PHACTR2: variants seen among roughly 807,000 people sequenced by gnomAD.
PHACTR2 encodes the protein chromosome 6 open reading frame 56.
In PHACTR2, 30 loss-of-function variants were observed where a neutral mutation model predicts 76.0. The ratio of observed to expected loss-of-function variants is 0.39; its 90% CI spans 0.30 to 0.54. The LOEUF is 0.54. Among genes scored for constraint, PHACTR2 ranks in the 20% least tolerant of loss-of-function variants. The pLI is 0.61. For missense variants in PHACTR2, 696 were observed against 781.1 expected (o/e 0.89, Z 1.30); for synonymous variants, 292 against 292.5 (o/e 1.00, Z 0.02).
chr6:143,685,300 A>G (rs1268342485), intron 1 of PHACTR2, among the ~76,000 whole-genome samples: 1 of 152,054 alleles, frequency 6.6e-6, no homozygotes, highest in Non-Finnish European at 1.5e-5. Context: ...AAAGTTGAAA[A>G]GGAAAATCAT....
Position 143,619,494 on chromosome 6 carries a change from G to T in PHACTR2, c.13+11172G>T, listed in dbSNP as rs1238117792. ...AAGATCTTGTGCCTTGCACAAAAAT[G>T]CTCTGAAATACCCTACTGAAGGGTA... is the stretch of plus-strand genomic sequence containing the variant. On this transcript the variant is annotated intron_variant, in intron 1 of 11. Transcript: ENST00000305766. The surrounding 1 kb of genome is among the most constrained non-coding windows in gnomAD (Gnocchi z 4.5). 6.6e-6 allele frequency among the ~76,000 whole-genome samples: 1 copy of T among 152,196 alleles called. No individual in the cohort carries two copies. Among genetic ancestry groups the T allele is most frequent in the Non-Finnish European group, 1.5e-5 (1 of 68,038 alleles).
chr6:143,828,927 C>T lies in PHACTR2; in HGVS notation c.*5238C>T, dbSNP rs1445883478. 6.6e-6 allele frequency: 1 copy of T among 152,224 alleles called. No individual in the cohort carries two copies. The highest frequency in any genetic ancestry group is 2.4e-5 in the African/African-American group (1 of 41,460). 9.4% of individuals were successfully genotyped at this position (152,224 alleles called of 1,614,324 possible). On this transcript the variant is annotated 3_prime_UTR_variant, in exon 13 of 13. Transcript: ENST00000440869. The surrounding 1 kb of genome is among the most constrained non-coding windows in gnomAD (Gnocchi z 4.7). ...TTGGTATCACCTCCCCTGAATGCCA[C>T]TGTCTACTGCATTTTGAGGACACAG...
At chr6:143,628,956 T>G (rs1238106672) in intron 1 of PHACTR2, among the ~76,000 whole-genome samples, 12 of 74,746 alleles carry the variant, frequency 1.6e-4, no homozygotes, top group South Asian at 7.3e-4. Context: ...TATATATATA[T>G]ATATATATAT....
chr6:143,546,368 A>C lies in PHACTR2; in HGVS notation c.217+9161A>C, dbSNP rs555702980. On this transcript the variant is annotated intron_variant, in intron 1 of 11. Transcript: ENST00000367584. This position sits in a 1 kb window ranked among gnomAD's most constrained non-coding sequence, Gnocchi z 4.9. Reference sequence around the variant, plus strand: ...AGAAACTTGTGACTTAAAAAAAAAAAAAAACATGTTATCTCTCTCTAGAAC... The same window carrying C: ...AGAAACTTGTGACTTAAAAAAAAAACAAAACATGTTATCTCTCTCTAGAAC... Among the ~76,000 whole-genome samples the C allele has an allele frequency of 3.5e-4, 53 of 152,182 alleles. No homozygotes were observed. Among genetic ancestry groups the C allele is most frequent in the African/African-American group, 1.0e-3 (43 of 41,474 alleles).
upstream of PHACTR2, chr6:143,677,936 C>T: frequency 7.9e-7 from 1 of 1,266,122 alleles, no homozygotes; most frequent in Non-Finnish European, 1.0e-6. Flanking sequence ...CCCCTGACCC[C>T]AGCTAATCTG....
intron 6 of PHACTR2, among the ~76,000 whole-genome samples, chr6:143,770,401 G>A (rs1210093616): frequency 2.0e-5 from 3 of 152,126 alleles, no homozygotes; most frequent in Non-Finnish European, 4.4e-5. Flanking sequence ...TTGGGAAGAC[G>A]AAAAAGTTCT....
intron 12 of PHACTR2, among the ~76,000 whole-genome samples, chr6:143,815,628 C>T (rs148457974): frequency 1.3e-5 from 2 of 152,240 alleles, no homozygotes; most frequent in African/African-American, 2.4e-5. Flanking sequence ...CGCAGTGGCT[C>T]ATGCCTGTAA....
rs184160948 is a variant in PHACTR2 at position 143,547,017 on chromosome 6, A to G, written c.217+9810A>G. Among the ~76,000 whole-genome samples, 11 of 152,268 alleles carry G rather than the reference A, an allele frequency of 7.2e-5. No individual in the cohort carries two copies. In the Middle Eastern group the frequency reaches 0.01, roughly 141 times the overall value. On this transcript the variant is annotated intron_variant, in intron 1 of 11. Transcript: ENST00000367584. This position sits in a 1 kb window ranked among gnomAD's most constrained non-coding sequence, Gnocchi z 4.2. The stretch of plus-strand genomic sequence containing the variant: ...GTGGCACTGCACTCCAGCCTGGGTA[A>G]CAAAGTGTGACCCCATCTAAAAAAA...
In PHACTR2 at chr6:143,772,249, C is replaced by T. The variant is rs1775170629; in HGVS notation, c.1233-9C>T. 6.2e-7 allele frequency: 1 copy of T among 1,609,026 alleles called. No homozygotes were observed. The highest frequency in any genetic ancestry group is 8.5e-7 in the Non-Finnish European group (1 of 1,175,480). Reference sequence around the variant, plus strand: ...TCACATCACTCCCATGCTTTTCTGCCTTTAACAGTTTCACAACCAAAGAGG... The same window carrying T: ...TCACATCACTCCCATGCTTTTCTGCTTTTAACAGTTTCACAACCAAAGAGG... On this transcript the variant is annotated splice_polypyrimidine_tract_variant and intron_variant, in intron 6 of 12. Coordinates refer to ENST00000440869, the MANE Select transcript of PHACTR2 (RefSeq NM_001100164.2). The surrounding 1 kb of genome is among the most constrained non-coding windows in gnomAD (Gnocchi z 5.4).
At chr6:143,690,981 G>A (rs1349703280) in intron 1 of PHACTR2, among the ~76,000 whole-genome samples, 1 of 152,100 alleles carries the variant, frequency 6.6e-6, no homozygotes. Context: ...AACTACCATT[G>A]ATATTTCACA....
chr6:143,771,774 T>C (rs182139756), intron 6 of PHACTR2, among the ~76,000 whole-genome samples: 2 of 152,184 alleles, frequency 1.3e-5, no homozygotes. Context: ...TCTACGTCAT[T>C]ACCTTCTGGG....
At chr6:143,614,677 C>T (rs576716471) in intron 1 of PHACTR2, among the ~76,000 whole-genome samples, 20 of 152,198 alleles carry the variant, frequency 1.3e-4, no homozygotes, top group Non-Finnish European at 2.5e-4. Flanking sequence ...AGTGTCAGTG[C>T]TTGATTGTTT....
rs1217077558 is a variant in PHACTR2 at position 143,654,269 on chromosome 6, A to C, written c.13+45947A>C. ...AAATTTAAAATGATATAGTCACTTT[A>C]GAAAACACTCTGGCAGTTCCTCAAA... is the stretch of plus-strand genomic sequence containing the variant. On this transcript the variant is annotated intron_variant, in intron 1 of 11. Coordinates refer to the PHACTR2 transcript ENST00000305766. This position sits in a 1 kb window ranked among gnomAD's most constrained non-coding sequence, Gnocchi z 4.6. Among the ~76,000 whole-genome samples the C allele has an allele frequency of 6.6e-6, 1 of 152,232 alleles. No homozygotes were observed. Among genetic ancestry groups the C allele is most frequent in the African/African-American group, 2.4e-5 (1 of 41,460 alleles).
chr6:143,693,939 T>A (rs1400071731), intron 1 of PHACTR2, among the ~76,000 whole-genome samples: 2 of 152,062 alleles, frequency 1.3e-5, no homozygotes, highest in East Asian at 3.9e-4. Flanking sequence ...TGTGGTGGTG[T>A]GCACCTCTAG....
chr6:143,684,483 A>G lies in PHACTR2; in HGVS notation c.46+6274A>G, dbSNP rs1777468873. Among the ~76,000 whole-genome samples the G allele has an allele frequency of 6.6e-6, 1 of 152,326 alleles. No individual in the cohort carries two copies. Among genetic ancestry groups the G allele is most frequent in the Admixed American group, 6.5e-5 (1 of 15,306 alleles). ...TCCAAGCTCTGAGGCCATCCATTAC[A>G]TGGACAACTATAAACTACATGTCCT... On this transcript the variant is annotated intron_variant, in intron 1 of 12. Coordinates refer to ENST00000440869, the MANE Select transcript of PHACTR2 (RefSeq NM_001100164.2). The surrounding 1 kb of genome is among the most constrained non-coding windows in gnomAD (Gnocchi z 4.3).
rs1775808466 is a variant in PHACTR2 at position 143,795,742 on chromosome 6, G to A, written c.1845+6832G>A. ...TTAGTAGTTGTTTGACCTTGGCCAAGTCATTTAACCTAGGTTTACTTACTA... is the reference window on the plus strand; with the variant it reads ...TTAGTAGTTGTTTGACCTTGGCCAAATCATTTAACCTAGGTTTACTTACTA... On this transcript the variant is annotated intron_variant, in intron 11 of 12. Coordinates refer to ENST00000440869, the MANE Select transcript of PHACTR2 (RefSeq NM_001100164.2). This position sits in a 1 kb window ranked among gnomAD's most constrained non-coding sequence, Gnocchi z 4.8. Among the ~76,000 whole-genome samples the A allele has an allele frequency of 6.6e-6, 1 of 152,200 alleles. No individual in the cohort carries two copies. Among genetic ancestry groups the A allele is most frequent in the South Asian group, 2.1e-4 (1 of 4,834 alleles).
rs141756404 is a variant in PHACTR2, at chr6:143,578,226, C to A, written c.217+41019C>A. Among the ~76,000 whole-genome samples, 1 of 152,194 alleles carries A rather than the reference C, an allele frequency of 6.6e-6. No homozygotes were observed. Among genetic ancestry groups the A allele is most frequent in the Admixed American group, 6.5e-5 (1 of 15,280 alleles). ...AGGGGTCCCCAGACCTCCATCCTCA[C>A]GGTCCAGGATGGGGAAGTCATAGCC... On this transcript the variant is annotated intron_variant, in intron 1 of 11. Coordinates refer to the PHACTR2 transcript ENST00000367584. The surrounding 1 kb of genome is among the most constrained non-coding windows in gnomAD (Gnocchi z 4.5).
At chr6:143,718,141 G>A (rs1018050360) in intron 2 of PHACTR2, among the ~76,000 whole-genome samples, 1 of 152,110 alleles carries the variant, frequency 6.6e-6, no homozygotes, top group Non-Finnish European at 1.5e-5. Context: ...TAGATTTTTA[G>A]GTAGCATTCT....
In PHACTR2 at chr6:143,688,114, G is replaced by A. The variant is rs1777562330; in HGVS notation, c.46+9905G>A. Among the ~76,000 whole-genome samples the A allele has an allele frequency of 6.6e-6, 1 of 152,000 alleles. No homozygotes were observed. ...ACACATAATGGGGACAAGAATTCAG[G>A]CTCTGAAAAGGAAAGGGGTGGAAGG... On this transcript the variant is annotated intron_variant, in intron 1 of 12. Coordinates refer to ENST00000440869, the MANE Select transcript of PHACTR2 (RefSeq NM_001100164.2). This position sits in a 1 kb window ranked among gnomAD's most constrained non-coding sequence, Gnocchi z 5.2.
Sources: allele counts gnomAD v4.1 joint callset (sites outside exome capture counted in the v4.1 genomes callset), GRCh38; gene constraint gnomAD v4.1.1; non-coding constraint Gnocchi (gnomAD v3.1); transcripts MANE v1.5; gene names NCBI Gene and HGNC (gene_info 2026-07-23, HGNC 2026-07-21).